The following PSKH1 variants were observed in gnomAD, a reference collection of about 807,000 sequenced individuals.
PSKH1 encodes protein serine kinase H1, also known as serine/threonine-protein kinase H1.
Under a neutral mutation model 26.7 loss-of-function variants are expected in PSKH1, and 12 were observed. The ratio of observed to expected loss-of-function variants is 0.45; its 90% confidence interval spans 0.29 to 0.73. The LOEUF (loss-of-function observed/expected upper bound fraction) is 0.73. PSKH1 is among the 30% of genes least tolerant of loss of function. The pLI is 0.11. For synonymous variants in PSKH1, 213 were observed against 234.3 expected (o/e 0.91, Z 0.83); for missense variants, 431 against 595.2 (o/e 0.72, Z 2.87).
At chr16:67,917,950 A>G (rs2058192174) in intron 2 of PSKH1, among the ~76,000 whole-genome samples, 1 of 152,056 alleles carries the variant, frequency 6.6e-6, no homozygotes, top group African/African-American at 2.4e-5. Flanking sequence ...TGGTGGGGAG[A>G]CACAGGTTGG....
At chr16:67,905,918 T>C (rs1055366805) in intron 1 of PSKH1, among the ~76,000 whole-genome samples, 11 of 152,180 alleles carry the variant, frequency 7.2e-5, no homozygotes, top group Non-Finnish European at 2.9e-5. Flanking sequence ...GTGAGTTTAT[T>C]GACCATGTTC....
chr16:67,905,784 G>A (rs555197708), intron 1 of PSKH1, among the ~76,000 whole-genome samples: 6 of 152,202 alleles, frequency 3.9e-5, no homozygotes, highest in Admixed American at 3.3e-4. Context: ...GCTTGAACCC[G>A]GGAGGCAGAG....
rs1567402817 is a variant in PSKH1, at chr16:67,927,440, T to C, written c.1073T>C (p.Met358Thr). The C allele has an allele frequency of 6.2e-7, 1 of 1,614,216 alleles. No individual in the cohort carries two copies. The highest frequency in any genetic ancestry group is 2.2e-5 in the East Asian group (1 of 44,892). ...QALRHPWVVS[M>T]AASSSMKNLH... ...CTGAGGCACCCGTGGGTGGTGAGCA[T>C]GGCTGCCTCTTCATCCATGAAGAAC... Residue 358 changes from methionine to threonine, a missense_variant, in exon 3 of 3, where the codon ATG (methionine) becomes ACG (threonine). Met to Thr is a moderately conservative substitution (Grantham distance 81). Transcript: ENST00000291041. The surrounding 1 kb of genome is among the most constrained non-coding windows in gnomAD (Gnocchi z 5.5).
intron 1 of PSKH1, among the ~76,000 whole-genome samples, chr16:67,898,213 C>T (rs183125115): frequency 1.1e-4 from 17 of 151,792 alleles, no homozygotes; most frequent in African/African-American, 4.1e-4. Flanking sequence ...CACTTGGGCT[C>T]AAGAGTTCGA....
At chr16:67,907,405 C>T (rs1312852703) in intron 1 of PSKH1, among the ~76,000 whole-genome samples, 2 of 151,984 alleles carry the variant, frequency 1.3e-5, no homozygotes, top group Non-Finnish European at 1.5e-5. Flanking sequence ...GGATTACAGG[C>T]GCCCACCACC....
rs1387498433 is a variant in PSKH1, at chr16:67,897,052, A to G, written c.-71+3681A>G. Among the ~76,000 whole-genome samples the G allele has an allele frequency of 2.0e-5, 3 of 152,212 alleles. No homozygotes were observed. The East Asian group carries it at 5.8e-4, about 29-fold the overall frequency. On this transcript the variant is annotated intron_variant, in intron 1 of 2. Transcript: ENST00000291041. ...TATGGGCAACTTAGGTCCTCTTCAC[A>G]GCTTCTCAGCTGTATGATGTGAATG... is the stretch of plus-strand genomic sequence containing the variant.
rs1011030581 is a variant in PSKH1, at chr16:67,927,701, T to C, written c.*59T>C. 6.6e-7 allele frequency: 1 copy of C among 1,518,914 alleles called. No individual in the cohort carries two copies. The highest frequency in any genetic ancestry group is 2.0e-4 in the Middle Eastern group (1 of 4,976). The allele number at this position is 1,518,914 out of a possible 1,614,324, so 94.1% of individuals were successfully genotyped here. A position where few individuals can be genotyped will look rare whatever the true frequency, so the allele number is the denominator to read the frequency against. Reference sequence around the variant, plus strand: ...AGCCTGGCCACACACTGTGGTGCCATCTGGGTCCGATGCCCTCTCTGGAGA... The same window carrying C: ...AGCCTGGCCACACACTGTGGTGCCACCTGGGTCCGATGCCCTCTCTGGAGA... On this transcript the variant is annotated 3_prime_UTR_variant, in exon 3 of 3. Coordinates refer to ENST00000291041, the MANE Select transcript of PSKH1 (RefSeq NM_006742.3). This position sits in a 1 kb window ranked among gnomAD's most constrained non-coding sequence, Gnocchi z 5.5.
chr16:67,902,473 T>C (rs2058144719), intron 1 of PSKH1, among the ~76,000 whole-genome samples: 1 of 151,906 alleles, frequency 6.6e-6, no homozygotes, highest in East Asian at 2.0e-4. Flanking sequence ...ATTTTTGTAT[T>C]TTTAGTAGAG....
chr16:67,908,541 T>A, intron 1 of PSKH1, 139 bp from the exon 2 acceptor site: 1 of 509,114 alleles, frequency 2.0e-6, no homozygotes, highest in East Asian at 2.9e-5. Flanking sequence ...GGTGTTGGGA[T>A]TACAGGTGTG....
chr16:67,907,877 T>C (rs1235727751), intron 1 of PSKH1, among the ~76,000 whole-genome samples: 1 of 152,158 alleles, frequency 6.6e-6, no homozygotes, highest in Non-Finnish European at 1.5e-5. Context: ...GGGAAAGATA[T>C]GCATGAAGGA....
chr16:67,896,700 A>T (rs2058127584), intron 1 of PSKH1, among the ~76,000 whole-genome samples: 1 of 151,914 alleles, frequency 6.6e-6, no homozygotes, highest in South Asian at 2.1e-4. Flanking sequence ...GGGTCGATTC[A>T]GTTGGCCATA....
At chr16:67,903,478 CTCTT>C (rs2058147314) in intron 1 of PSKH1, among the ~76,000 whole-genome samples, 1 of 151,956 alleles carries the variant, frequency 6.6e-6, no homozygotes, top group Non-Finnish European at 1.5e-5. Flanking sequence ...TCCTCTCTCT[CTCTT>C]TTTGAGATGG....
chr16:67,896,169 C>G (rs1025990993), intron 1 of PSKH1, among the ~76,000 whole-genome samples: 1 of 151,370 alleles, frequency 6.6e-6, no homozygotes, highest in African/African-American at 2.4e-5. Flanking sequence ...AGTGCAATGG[C>G]GTGAGCTCGG....
intron 2 of PSKH1, among the ~76,000 whole-genome samples, chr16:67,916,568 G>GT (rs2058188468): frequency 6.6e-6 from 1 of 152,176 alleles, no homozygotes; most frequent in African/African-American, 2.4e-5. Flanking sequence ...CAGGTCTGGT[G>GT]TTTGTTGTTG....
Position 67,908,885 on chromosome 16 carries a change from G to T in PSKH1, c.136G>T (p.Gly46Cys), listed in dbSNP as rs146186709. The T allele has an allele frequency of 6.2e-7, 1 of 1,614,138 alleles. No individual in the cohort carries two copies. Among genetic ancestry groups the T allele is most frequent in the Admixed American group, 1.7e-5 (1 of 60,016 alleles). Residue 46 changes from glycine to cysteine, a missense_variant, in exon 2 of 3, where the codon GGC becomes TGC. Coordinates refer to ENST00000291041, the MANE Select transcript of PSKH1 (RefSeq NM_006742.3). Reference sequence around the variant, plus strand: ...CTTCATCACAGAGGTGGACAGTGTTGGCCCTGTCAAAGCCGGGTTCCCAGC... The same window carrying T: ...CTTCATCACAGAGGTGGACAGTGTTTGCCCTGTCAAAGCCGGGTTCCCAGC... ...KHFITEVDSV[G>C]PVKAGFPAAS...
intron 2 of PSKH1, among the ~76,000 whole-genome samples, chr16:67,912,532 G>A (rs1174965464): frequency 1.3e-5 from 2 of 152,188 alleles, no homozygotes; most frequent in South Asian, 2.1e-4. Flanking sequence ...ATATGGATTG[G>A]CCATCAGGTT....
At chr16:67,922,350 AAGG>A (rs2058204911) in intron 2 of PSKH1, among the ~76,000 whole-genome samples, 1 of 152,230 alleles carries the variant, frequency 6.6e-6, no homozygotes, top group Non-Finnish European at 1.5e-5. Flanking sequence ...TAAGTACAGA[AAGG>A]AGGCCTTTGA....
Position 67,908,802 on chromosome 16 carries a change from T to C in PSKH1, c.53T>C (p.Leu18Pro). The C allele has an allele frequency of 6.2e-7, 1 of 1,611,828 alleles. No homozygotes were observed. The highest frequency in any genetic ancestry group is 8.5e-7 in the Non-Finnish European group (1 of 1,178,506). ...CCCGAGCCACCCAAGGATGTCCAGC[T>C]GGATCTGGTCAAGAAGGTGGAGCCC... The part of the protein sequence containing the change: ...VLPEPPKDVQ[L>P]DLVKKVEPFS... Residue 18 changes from leucine (L) to proline (P), a missense_variant, in exon 2 of 3, where the codon CTG (leucine) becomes CCG (proline). Physicochemically the swap from Leu to Pro is moderately conservative, Grantham distance 98 (BLOSUM62 -3). Coordinates refer to ENST00000291041, the MANE Select transcript of PSKH1 (RefSeq NM_006742.3).
At chr16:67,895,276 G>T (rs994931875) in intron 1 of PSKH1, among the ~76,000 whole-genome samples, 2 of 151,838 alleles carry the variant, frequency 1.3e-5, no homozygotes. Flanking sequence ...TGTTGCCGAG[G>T]CTGGTGTCGA....
Sources: allele counts gnomAD v4.1 joint callset (sites outside exome capture counted in the v4.1 genomes callset), GRCh38; gene constraint gnomAD v4.1.1; non-coding constraint Gnocchi (gnomAD v3.1); transcripts MANE v1.5; gene names NCBI Gene and HGNC (gene_info 2026-07-23, HGNC 2026-07-21).